Variants in SYNE3 observed in about 807,000 individuals in gnomAD.
The protein encoded by SYNE3 is nesprin-3.
In SYNE3, 100 loss-of-function variants were observed where a neutral mutation model predicts 111.2. The observed-to-expected ratio is 0.90, with a 90% CI of 0.77 to 1.06. SYNE3 has a LOEUF of 1.06. Among genes scored for constraint, SYNE3 ranks in the 50% least tolerant of loss-of-function variants. The pLI is 0.00. For synonymous variants in SYNE3, 547 were observed against 533.9 expected, an observed-to-expected ratio of 1.02 and a Z score of -0.34; for missense variants, 1,160 against 1,240.3, an observed-to-expected ratio of 0.94 and a Z score of 0.97.
Position 95,452,390 on chromosome 14 carries a change from C to T in SYNE3, c.1138-7G>A. 6.2e-7 allele frequency: 1 copy of T among 1,602,640 alleles called. No individual in the cohort carries two copies. Among genetic ancestry groups the T allele is most frequent in the Non-Finnish European group, 8.5e-7 (1 of 1,175,122 alleles). ...CCAGCGCCGCCCGTGTTGCCTGCAG[C>T]ACATGACGACACCGCAGCGGGAGGT... On this transcript the variant is annotated splice_region_variant and splice_polypyrimidine_tract_variant and intron_variant, in intron 6 of 17. Transcript: ENST00000682763.
chr14:95,478,234 G>T (rs1219461319), intron 1 of SYNE3, among the ~76,000 whole-genome samples: 1 of 152,206 alleles, frequency 6.6e-6, no homozygotes, highest in Non-Finnish European at 1.5e-5. Context: ...ATGAAACACA[G>T]GACTTAAGAG....
chr14:95,495,394 T>C lies in SYNE3; in HGVS notation c.-14-19559A>G, dbSNP rs78187490. Among the ~76,000 whole-genome samples, 516 of 152,350 alleles carry C rather than the reference T, an allele frequency of 3.4e-3. 1 individual carries two copies. The highest frequency in any genetic ancestry group is 0.012 in the African/African-American group (495 of 41,588). On this transcript the variant is annotated intron_variant, in intron 1 of 17. Transcript: ENST00000682763. ...GGGTTCATCTGCGACCCTATGATTG[T>C]CCTGGTAGGTGTCAAGGTTATCACT...
chr14:95,455,410 C>A lies in SYNE3; in HGVS notation c.1104G>T (p.Glu368Asp). 1 of 1,562,320 alleles carries A rather than the reference C, an allele frequency of 6.4e-7. No individual in the cohort carries two copies. Among genetic ancestry groups the A allele is most frequent in the Non-Finnish European group, 8.7e-7 (1 of 1,155,352 alleles). The change falls in exon 6 of 18, where the codon GAG (glutamate) becomes GAT (aspartate). Residue 368 changes from glutamate to aspartate, a missense_variant. Coordinates refer to ENST00000682763, the MANE Select transcript of SYNE3 (RefSeq NM_152592.6). ...GLQPAAKAGT[E>D]DELVAHWRRY... ...GTCTCCAGTGTGCCACCAGCTCGTC[C>A]TCGGTCCCCGCTTTCGCCGCAGGCT...
intron 1 of SYNE3, among the ~76,000 whole-genome samples, chr14:95,498,059 C>T (rs1031915069): frequency 1.1e-4 from 17 of 150,978 alleles, no homozygotes; most frequent in Non-Finnish European, 1.8e-4. Flanking sequence ...AAAGTAGCAT[C>T]ATAGAGCAGT....
intron 4 of SYNE3, among the ~76,000 whole-genome samples, chr14:95,458,392 A>G (rs1887594440): frequency 6.6e-6 from 1 of 152,210 alleles, no homozygotes; most frequent in African/African-American, 2.4e-5. Context: ...TGGTATGGTT[A>G]ATAACACCTG....
chr14:95,466,410 T>C (rs984719415), intron 3 of SYNE3, among the ~76,000 whole-genome samples, 170 bp from the exon 4 acceptor site: 2 of 152,182 alleles, frequency 1.3e-5, no homozygotes, highest in Non-Finnish European at 2.9e-5. Context: ...CTCCAGATTC[T>C]AGACCCTCCC....
intron 1 of SYNE3, among the ~76,000 whole-genome samples, chr14:95,493,575 A>C (rs938794033): frequency 6.6e-6 from 1 of 152,236 alleles, no homozygotes; most frequent in South Asian, 2.1e-4. Flanking sequence ...TTTTTGAATC[A>C]AACAACAGAA....
chr14:95,483,363 C>T (rs574687602), intron 1 of SYNE3, among the ~76,000 whole-genome samples: 73 of 152,298 alleles, frequency 4.8e-4, no homozygotes, highest in African/African-American at 1.8e-3. Flanking sequence ...GCTCGCTTGC[C>T]GTGACTCACT....
At chr14:95,432,388 C>T (rs1447517207) in intron 16 of SYNE3, among the ~76,000 whole-genome samples, 3 of 152,152 alleles carry the variant, frequency 2.0e-5, no homozygotes, top group East Asian at 1.9e-4. Flanking sequence ...GGGCTGACAC[C>T]TAGTGGCCGT....
Position 95,417,956 on chromosome 14 carries a change from A to C in SYNE3, c.2798T>G (p.Leu933Arg), listed in dbSNP as rs1414752467. 1 of 1,613,218 alleles carries C rather than the reference A, an allele frequency of 6.2e-7. No individual in the cohort carries two copies. Among genetic ancestry groups the C allele is most frequent in the South Asian group, 1.1e-5 (1 of 91,050 alleles). ...ACCVALPLQL[L>R]LLLFLLLLFL... ...CAGCAGGAGGAGGAACAGCAGCAGA[A>C]GCAGCTGCAGTGGGAGCGCCACACA... Residue 933 changes from leucine (L) to arginine (R), a missense_variant, in exon 18 of 18, where the codon CTT becomes CGT. Leu to Arg is a moderately radical substitution (Grantham distance 102). Coordinates refer to ENST00000682763, the MANE Select transcript of SYNE3 (RefSeq NM_152592.6).
chr14:95,462,814 T>C (rs1887918993), intron 4 of SYNE3, among the ~76,000 whole-genome samples: 1 of 152,244 alleles, frequency 6.6e-6, no homozygotes, highest in African/African-American at 2.4e-5. Context: ...CCTCTGGCTT[T>C]TTCTACTGGG....
At chr14:95,455,329 G>C (rs1595210982) in intron 6 of SYNE3, 48 bp downstream of exon 6, 1 of 1,432,314 alleles carries the variant, frequency 7.0e-7, no homozygotes. Context: ...CCAGGACCCT[G>C]GGCACAGACA....
At chr14:95,513,355 T>C (rs1055591510) in intron 1 of SYNE3, among the ~76,000 whole-genome samples, 5 of 152,136 alleles carry the variant, frequency 3.3e-5, no homozygotes, top group African/African-American at 1.2e-4. Context: ...GGATTCTCTA[T>C]ACCACGTCTG....
intron 1 of SYNE3, among the ~76,000 whole-genome samples, chr14:95,513,480 G>A (rs1378892275): frequency 6.6e-6 from 1 of 151,916 alleles, no homozygotes; most frequent in African/African-American, 2.4e-5. Context: ...GCACCATGCC[G>A]GGCATTCTGC....
intron 1 of SYNE3, among the ~76,000 whole-genome samples, chr14:95,513,746 T>G (rs991232980): frequency 7.3e-6 from 1 of 137,176 alleles, no homozygotes; most frequent in African/African-American, 2.8e-5. Flanking sequence ...ATTATATATA[T>G]ATATATATAT....
At position 95,503,926 on chromosome 14, in the gene SYNE3, C is replaced by T. The variant is rs374117356; in HGVS notation, c.-15+12670G>A. Among the ~76,000 whole-genome samples the T allele has an allele frequency of 5.9e-5, 9 of 152,100 alleles. No homozygotes were observed. In the South Asian group the frequency reaches 1.0e-3, roughly 17 times the overall value. On this transcript the variant is annotated intron_variant, in intron 1 of 17. Coordinates refer to ENST00000682763, the MANE Select transcript of SYNE3 (RefSeq NM_152592.6). ...GAGCCACTGTGCCCGGCCAGACCTACGTTTTTAAGAACTGAAATGCTTAGA... is the reference window on the plus strand; with the variant it reads ...GAGCCACTGTGCCCGGCCAGACCTATGTTTTTAAGAACTGAAATGCTTAGA...
Position 95,439,754 on chromosome 14 carries a change from C to T in SYNE3, c.2104G>A (p.Ala702Thr), listed in dbSNP as rs2139392167. The T allele has an allele frequency of 1.2e-6, 2 of 1,613,442 alleles. No homozygotes were observed. The highest frequency in any genetic ancestry group is 8.5e-7 in the Non-Finnish European group (1 of 1,179,590). ...TGCGCTTCCACCAGGGACAGCTGGG[C>T]CTCCTTCTCCGGGAATTCTGCCACC... The part of the protein sequence containing the change: ...RLVAEFPEKE[A>T]QLSLVEAQGW... The change falls in exon 13 of 18, where the codon GCC (alanine) becomes ACC (threonine). Residue 702 changes from alanine to threonine, a missense_variant. Ala to Thr is a moderately conservative substitution (Grantham distance 58). Transcript: ENST00000682763.
chr14:95,513,544 A>G (rs1220038025), intron 1 of SYNE3, among the ~76,000 whole-genome samples: 1 of 151,982 alleles, frequency 6.6e-6, no homozygotes, highest in Non-Finnish European at 1.5e-5. Flanking sequence ...CCAAAAGGGA[A>G]GTATTTCAAG....
At chr14:95,469,843 T>C (rs1027863068) in intron 2 of SYNE3, among the ~76,000 whole-genome samples, 7 of 152,202 alleles carry the variant, frequency 4.6e-5, no homozygotes, top group African/African-American at 1.7e-4. Flanking sequence ...TGGGCAATGG[T>C]CCCCATCCTT....
Sources: allele counts gnomAD v4.1 joint callset (sites outside exome capture counted in the v4.1 genomes callset), GRCh38; gene constraint gnomAD v4.1.1; transcripts MANE v1.5; gene names NCBI Gene and HGNC (gene_info 2026-07-23, HGNC 2026-07-21).